The following GRID1 variants were observed in gnomAD, a reference collection of about 807,000 sequenced individuals.
The protein encoded by GRID1 is glutamate receptor ionotropic, delta-1.
A neutral mutation model predicts 98.0 loss-of-function variants in GRID1; 28 were observed. The ratio of observed to expected loss-of-function variants is 0.29; its 90% CI spans 0.21 to 0.39. GRID1 has a LOEUF of 0.39. Ranked by LOEUF, GRID1 falls within the 10% of genes least tolerant of loss-of-function variation. The pLI is 1.00. For missense variants in GRID1, 1,111 were observed against 1,340.5 expected, an observed-to-expected ratio of 0.83 and a Z score of 2.67; for synonymous variants, 553 against 538.5, an observed-to-expected ratio of 1.03 and a Z score of -0.37.
chr10:85,649,517 T>C (rs181622376), intron 12 of GRID1, among the ~76,000 whole-genome samples: 7 of 152,246 alleles, frequency 4.6e-5, no homozygotes, highest in Admixed American at 1.3e-4. Flanking sequence ...TTAAAATTTT[T>C]TCTCATGGTA....
chr10:85,661,365 C>T (rs1370228607), intron 12 of GRID1, among the ~76,000 whole-genome samples: 5 of 152,144 alleles, frequency 3.3e-5, no homozygotes, highest in Non-Finnish European at 1.5e-5. Flanking sequence ...AACTATAAGA[C>T]TTACTTTGTT....
At chr10:85,826,116 C>T (rs1346777388) in intron 8 of GRID1, among the ~76,000 whole-genome samples, 2 of 152,158 alleles carry the variant, frequency 1.3e-5, no homozygotes, top group Admixed American at 1.3e-4. Flanking sequence ...CACCTGAGGT[C>T]GGGTGTTCCA....
At chr10:86,074,900 T>C (rs944319602) in intron 4 of GRID1, among the ~76,000 whole-genome samples, 12 of 152,214 alleles carry the variant, frequency 7.9e-5, no homozygotes, top group African/African-American at 2.9e-4. Flanking sequence ...GAGGAAGTCA[T>C]TGAATATTAT....
intron 10 of GRID1, among the ~76,000 whole-genome samples, 183 bp downstream of exon 10, chr10:85,727,672 T>C (rs1841776187): frequency 6.6e-6 from 1 of 152,094 alleles, no homozygotes; most frequent in African/African-American, 2.4e-5. Flanking sequence ...GACGAGGAGA[T>C]ACAAGAGCAG....
At chr10:85,995,081 T>C (rs1008801066) in intron 4 of GRID1, among the ~76,000 whole-genome samples, 1 of 152,230 alleles carries the variant, frequency 6.6e-6, no homozygotes, top group African/African-American at 2.4e-5. Context: ...GATTTTTATG[T>C]TAAAAGTTAT....
rs868480666 is a variant in GRID1 at position 85,880,343 on chromosome 10, C to T, written c.781-11163G>A. On this transcript the variant is annotated intron_variant, in intron 5 of 15. Transcript: ENST00000327946. ...AAAAAAGAGAATTTTAGACCAATATCCTTGATGAACATTGATGCAAAAATC... is the reference window on the plus strand; with the variant it reads ...AAAAAAGAGAATTTTAGACCAATATTCTTGATGAACATTGATGCAAAAATC... 2.4e-3 allele frequency among the ~76,000 whole-genome samples: 369 copies of T among 152,268 alleles called. 3 individuals carry two copies. The highest frequency in any genetic ancestry group is 6.0e-3 in the South Asian group (29 of 4,812).
intron 4 of GRID1, among the ~76,000 whole-genome samples, chr10:86,084,638 A>G (rs1279200440): frequency 1.3e-5 from 2 of 152,234 alleles, no homozygotes; most frequent in Admixed American, 1.3e-4. Context: ...GTGTCCATTG[A>G]CGGATTAATG....
At chr10:86,198,489 G>C (rs1845906156) in intron 3 of GRID1, among the ~76,000 whole-genome samples, 1 of 152,162 alleles carries the variant, frequency 6.6e-6, no homozygotes, top group African/African-American at 2.4e-5. Context: ...CAGCTCCAGA[G>C]TAGTAAGTGT....
chr10:86,356,363 T>C (rs888331703), intron 2 of GRID1, among the ~76,000 whole-genome samples: 1 of 152,244 alleles, frequency 6.6e-6, no homozygotes, highest in Non-Finnish European at 1.5e-5. Context: ...TAGCCATGAA[T>C]GGTAAAGAGG....
Position 86,175,803 on chromosome 10 carries a change from G to A in GRID1, c.520+30561C>T, listed in dbSNP as rs949487527. Among the ~76,000 whole-genome samples, 7 of 152,008 alleles carry A rather than the reference G, an allele frequency of 4.6e-5. No individual in the cohort carries two copies. In the East Asian group the frequency reaches 7.7e-4, roughly 17 times the overall value. ...CTGCACACTGCAATCTCCGCCTCCC[G>A]GGTTCAAGCGATTCTCCTGCCTCAA... is the stretch of plus-strand genomic sequence containing the variant. On this transcript the variant is annotated intron_variant, in intron 3 of 15. Transcript: ENST00000327946.
At chr10:86,160,722 C>T (rs1426929357) in intron 3 of GRID1, among the ~76,000 whole-genome samples, 1 of 152,230 alleles carries the variant, frequency 6.6e-6, no homozygotes, top group African/African-American at 2.4e-5. Context: ...ATAGTCCTTG[C>T]AAGAGTCCTT....
At chr10:86,007,013 G>C (rs1392979260) in intron 4 of GRID1, among the ~76,000 whole-genome samples, 1 of 152,084 alleles carries the variant, frequency 6.6e-6, no homozygotes, top group Non-Finnish European at 1.5e-5. Context: ...CGGGAGGATG[G>C]GGGAAGCAGG....
At chr10:85,933,508 T>C (rs1405811259) in intron 4 of GRID1, among the ~76,000 whole-genome samples, 2 of 152,166 alleles carry the variant, frequency 1.3e-5, no homozygotes. Flanking sequence ...CTTATTTTCA[T>C]ACACTTTGGA....
intron 13 of GRID1, among the ~76,000 whole-genome samples, chr10:85,629,422 C>T (rs1842950165): frequency 6.6e-6 from 1 of 150,910 alleles, no homozygotes; most frequent in African/African-American, 2.4e-5. Flanking sequence ...TCTATTATTC[C>T]ACACTCGATG....
intron 4 of GRID1, among the ~76,000 whole-genome samples, chr10:86,090,896 G>T (rs961410983): frequency 2.0e-5 from 3 of 152,154 alleles, no homozygotes. Flanking sequence ...GTCTGTTTGT[G>T]GGAGAAGTTT....
chr10:85,745,629 A>G (rs2132678978), intron 8 of GRID1, among the ~76,000 whole-genome samples: 1 of 137,140 alleles, frequency 7.3e-6, no homozygotes, highest in Non-Finnish European at 1.6e-5. Context: ...GCTAGATGAC[A>G]CGTTAGTGGG....
intron 13 of GRID1, among the ~76,000 whole-genome samples, chr10:85,639,310 T>A (rs936200640): frequency 6.6e-6 from 1 of 152,194 alleles, no homozygotes; most frequent in South Asian, 2.1e-4. Flanking sequence ...GGTGAAAGAA[T>A]GAAACACAAA....
chr10:85,709,069 C>A, intron 12 of GRID1: 2 of 325,750 alleles, frequency 6.1e-6, no homozygotes, highest in South Asian at 3.5e-5. Flanking sequence ...ACCAAAACAA[C>A]TTGTTATTGA....
Position 85,884,578 on chromosome 10 carries a change from C to T in GRID1, c.781-15398G>A, listed in dbSNP as rs139394042. Among the ~76,000 whole-genome samples, 5 of 152,236 alleles carry T rather than the reference C, an allele frequency of 3.3e-5. No individual in the cohort carries two copies. In the East Asian group the frequency reaches 9.6e-4, roughly 29 times the overall value. On this transcript the variant is annotated intron_variant, in intron 5 of 15. Transcript: ENST00000327946. Reference sequence around the variant, plus strand: ...AAGAATGTAAACATTCTGCAGCTTCCACCTTATTTTGTTTGTTGCTTCAGA... The same window carrying T: ...AAGAATGTAAACATTCTGCAGCTTCTACCTTATTTTGTTTGTTGCTTCAGA...
Sources: allele counts gnomAD v4.1 joint callset (sites outside exome capture counted in the v4.1 genomes callset), GRCh38; gene constraint gnomAD v4.1.1; transcripts MANE v1.5; gene names NCBI Gene and HGNC (gene_info 2026-07-23, HGNC 2026-07-21).